The following COG5 variants were observed in gnomAD, a reference collection of about 807,000 sequenced individuals.
COG5 encodes the protein component of oligomeric golgi complex 5, also known as conserved oligomeric Golgi complex subunit 5.
COG5 carries 86 observed loss-of-function variants against 110.4 expected under a neutral mutation model. That is an observed-to-expected ratio of 0.78 (90% confidence interval 0.65 to 0.93). The LOEUF (loss-of-function observed/expected upper bound fraction) is 0.93. Ranked by LOEUF, COG5 falls within the 40% of genes least tolerant of loss-of-function variation. The probability of loss-of-function intolerance (pLI) is 0.00; values close to 1 mark genes in which losing one functional copy is unlikely to be tolerated. For synonymous variants in COG5, 360 were observed against 334.6 expected (o/e 1.08, Z -0.83); for missense variants, 1,077 against 987.0 (o/e 1.09, Z -1.22).
chr7:107,560,633 C>T (rs1008246251), intron 1 of COG5, among the ~76,000 whole-genome samples: 4 of 152,228 alleles, frequency 2.6e-5, no homozygotes, highest in Non-Finnish European at 5.9e-5. Context: ...ACACAGATAA[C>T]AGAAACTACC....
chr7:107,490,394 T>C (rs1005893410), intron 6 of COG5, among the ~76,000 whole-genome samples: 8 of 152,120 alleles, frequency 5.3e-5, no homozygotes, highest in Admixed American at 6.6e-5. Context: ...CAGAAAAATA[T>C]GCATGAGAAA....
chr7:107,550,096 CTT>C (rs1802779549), intron 3 of COG5, among the ~76,000 whole-genome samples: 1 of 152,168 alleles, frequency 6.6e-6, no homozygotes, highest in Non-Finnish European at 1.5e-5. Flanking sequence ...AAAAATCACA[CTT>C]CTCTCCAGGC....
chr7:107,379,100 G>C (rs190593995), intron 7 of COG5, among the ~76,000 whole-genome samples: 49 of 152,312 alleles, frequency 3.2e-4, no homozygotes, highest in African/African-American at 1.2e-3. Flanking sequence ...AGCCAGAAGA[G>C]AGTGGGGGCC....
chr7:107,281,277 T>C (rs772117377), intron 14 of COG5, 23 bp downstream of exon 14: 2 of 1,453,914 alleles, frequency 1.4e-6, no homozygotes, highest in Non-Finnish European at 1.9e-6. Flanking sequence ...CATTAAAGTT[T>C]ACAGATAAAG....
chr7:107,207,403 A>G (rs776407572), intron 21 of COG5, among the ~76,000 whole-genome samples: 1 of 152,180 alleles, frequency 6.6e-6, no homozygotes, highest in Admixed American at 6.5e-5. Flanking sequence ...GGATCCAAGG[A>G]TGCACATGGC....
chr7:107,281,493 G>T, intron 13 of COG5, 94 bp from the exon 14 acceptor site: 1 of 907,184 alleles, frequency 1.1e-6, no homozygotes, highest in Admixed American at 1.9e-5. Context: ...TAAGCAATGT[G>T]GTTATTCTTT....
chr7:107,381,600 T>C (rs968006170), intron 7 of COG5, among the ~76,000 whole-genome samples: 1 of 152,230 alleles, frequency 6.6e-6, no homozygotes, highest in Non-Finnish European at 1.5e-5. Context: ...AGATGGTTTA[T>C]AATCTACAGA....
chr7:107,480,580 T>C (rs1246035493), intron 6 of COG5, among the ~76,000 whole-genome samples: 1 of 152,010 alleles, frequency 6.6e-6, no homozygotes, highest in Non-Finnish European at 1.5e-5. Context: ...CTTAGAGAAA[T>C]ACGAATAGAA....
intron 6 of COG5, among the ~76,000 whole-genome samples, chr7:107,421,573 T>C (rs1401553678): frequency 6.6e-6 from 1 of 152,050 alleles, no homozygotes; most frequent in African/African-American, 2.4e-5. Flanking sequence ...GGCTGATCAC[T>C]TGAGGTCAGG....
chr7:107,288,552 T>C (rs1009298725), intron 12 of COG5, among the ~76,000 whole-genome samples: 28 of 152,244 alleles, frequency 1.8e-4, no homozygotes, highest in Middle Eastern at 3.4e-3. Flanking sequence ...GGTTCTGATT[T>C]GTATTTTCCT....
chr7:107,432,319 G>A (rs182810977), intron 6 of COG5, among the ~76,000 whole-genome samples: 24 of 152,258 alleles, frequency 1.6e-4, no homozygotes, highest in Admixed American at 1.2e-3. Flanking sequence ...TAAACACAGA[G>A]AGGTCAGACA....
At chr7:107,427,367 C>A (rs1287385550) in intron 6 of COG5, among the ~76,000 whole-genome samples, 1 of 152,124 alleles carries the variant, frequency 6.6e-6, no homozygotes, top group East Asian at 1.9e-4. Flanking sequence ...CACTAAACTC[C>A]CTTCATGTTA....
intron 6 of COG5, among the ~76,000 whole-genome samples, chr7:107,513,453 C>T (rs1799689004): frequency 6.6e-6 from 1 of 152,200 alleles, no homozygotes; most frequent in South Asian, 2.1e-4. Flanking sequence ...GTTGGTGGGA[C>T]TGTAAACTAG....
chr7:107,294,640 C>T (rs1391495135), intron 12 of COG5, among the ~76,000 whole-genome samples: 8 of 151,646 alleles, frequency 5.3e-5, no homozygotes, highest in African/African-American at 1.9e-4. Flanking sequence ...AAACACTTCC[C>T]TTCTTCATTC....
At position 107,297,466 on chromosome 7, in the gene COG5, T is replaced by G. The variant is rs1806853433; in HGVS notation, c.1313+676A>C. Among the ~76,000 whole-genome samples, 3 of 147,030 alleles carry G rather than the reference T, an allele frequency of 2.0e-5. No homozygotes were observed. In the South Asian group the frequency reaches 6.6e-4, roughly 32 times the overall value. On this transcript the variant is annotated intron_variant, in intron 12 of 21. Coordinates refer to ENST00000297135, the MANE Select transcript of COG5 (RefSeq NM_006348.5). ...GCCTTTTTTTTTTTTTTTTTTTTTT[T>G]GAGACGGAGTATCATTTTGTCGCCC...
At chr7:107,503,239 A>G (rs1046785084) in intron 6 of COG5, among the ~76,000 whole-genome samples, 3 of 152,118 alleles carry the variant, frequency 2.0e-5, no homozygotes, top group African/African-American at 7.2e-5. Context: ...TCTCAGCAGC[A>G]TTTATTTAAT....
intron 10 of COG5, among the ~76,000 whole-genome samples, chr7:107,355,933 T>A (rs1300020726): frequency 6.6e-6 from 1 of 152,230 alleles, no homozygotes; most frequent in Admixed American, 6.5e-5. Flanking sequence ...TATTGTTACA[T>A]TATCAACTGA....
At chr7:107,289,223 T>C (rs1164041695) in intron 12 of COG5, among the ~76,000 whole-genome samples, 1 of 151,974 alleles carries the variant, frequency 6.6e-6, no homozygotes, top group Non-Finnish European at 1.5e-5. Flanking sequence ...CTTCATTATT[T>C]TGCATGTCAC....
intron 6 of COG5, among the ~76,000 whole-genome samples, chr7:107,523,775 A>G (rs1443675462): frequency 6.6e-6 from 1 of 152,058 alleles, no homozygotes; most frequent in Admixed American, 6.6e-5. Context: ...AGATTGCGCC[A>G]TTGTGCTCTA....
Sources: allele counts gnomAD v4.1 joint callset (sites outside exome capture counted in the v4.1 genomes callset), GRCh38; gene constraint gnomAD v4.1.1; transcripts MANE v1.5; gene names NCBI Gene and HGNC (gene_info 2026-07-23, HGNC 2026-07-21).